Variants in TAFA1 observed in about 807,000 individuals in gnomAD.
TAFA1 encodes the protein TAFA chemokine like family member 1.
In TAFA1, 4 loss-of-function variants were observed where a neutral mutation model predicts 18.5. The ratio of observed to expected loss-of-function variants is 0.22; its 90% confidence interval spans 0.11 to 0.49. The LOEUF is 0.49. Among genes scored for constraint, TAFA1 ranks in the 20% least tolerant of loss-of-function variants. The pLI, the probability that TAFA1 is intolerant of heterozygous loss-of-function variation, is 0.98. For synonymous variants in TAFA1, 56 were observed against 55.2 expected, an observed-to-expected ratio of 1.01 and a Z score of -0.06; for missense variants, 147 against 169.0, an observed-to-expected ratio of 0.87 and a Z score of 0.72.
At chr3:68,321,708 C>T (rs2068699639) in intron 2 of TAFA1, among the ~76,000 whole-genome samples, 2 of 152,142 alleles carry the variant, frequency 1.3e-5, no homozygotes, top group South Asian at 2.1e-4. Context: ...TACCTTCATC[C>T]ATCCCCATCA....
At chr3:67,999,771 G>T (rs1004058024), upstream of TAFA1, among the ~76,000 whole-genome samples, 1 of 151,468 alleles carries the variant, frequency 6.6e-6, no homozygotes, top group Admixed American at 6.6e-5. Context: ...CACAGGACAA[G>T]GTGGTCACCC....
chr3:68,264,536 T>C (rs540602132), intron 2 of TAFA1, among the ~76,000 whole-genome samples: 1 of 152,266 alleles, frequency 6.6e-6, no homozygotes, highest in African/African-American at 2.4e-5. Flanking sequence ...AGAGGATGGG[T>C]AGGTAGTGAC....
At chr3:68,047,820 G>T (rs1388053323) in intron 2 of TAFA1, among the ~76,000 whole-genome samples, 1 of 152,050 alleles carries the variant, frequency 6.6e-6, no homozygotes, top group African/African-American at 2.4e-5. Flanking sequence ...CAACCTAATA[G>T]GTATGATAGC....
chr3:68,206,710 C>T (rs1049371943), intron 2 of TAFA1, among the ~76,000 whole-genome samples: 2 of 151,850 alleles, frequency 1.3e-5, no homozygotes, highest in East Asian at 1.9e-4. Context: ...AGAGAGCGAC[C>T]CCTAGCTTCT....
intron 2 of TAFA1, among the ~76,000 whole-genome samples, chr3:68,028,469 C>G: frequency 6.6e-6 from 1 of 152,078 alleles, no homozygotes; most frequent in East Asian, 1.9e-4. Context: ...ACTGCTGTAA[C>G]AAGTTACCAC....
chr3:68,378,645 A>G (rs1272321198), intron 2 of TAFA1, among the ~76,000 whole-genome samples: 1 of 152,112 alleles, frequency 6.6e-6, no homozygotes, highest in Admixed American at 6.6e-5. Context: ...GGGAGGGTCT[A>G]AGAGCAGGAT....
At chr3:68,067,508 T>C (rs2064695268) in intron 2 of TAFA1, among the ~76,000 whole-genome samples, 2 of 152,154 alleles carry the variant, frequency 1.3e-5, no homozygotes, top group Admixed American at 1.3e-4. Flanking sequence ...AGTACATGGC[T>C]TGAGAGGTAA....
At chr3:68,349,396 A>G (rs945382096) in intron 2 of TAFA1, among the ~76,000 whole-genome samples, 4 of 152,068 alleles carry the variant, frequency 2.6e-5, no homozygotes, top group African/African-American at 9.7e-5. Context: ...TACGGAAATA[A>G]AGATCCCTTA....
intron 3 of TAFA1, among the ~76,000 whole-genome samples, chr3:68,437,491 C>T (rs187337515): frequency 1.3e-5 from 2 of 152,228 alleles, no homozygotes; most frequent in Admixed American, 1.3e-4. Context: ...GGCTGCATCT[C>T]GTAAGGGCCT....
chr3:68,351,971 G>A (rs1409481113), intron 2 of TAFA1, among the ~76,000 whole-genome samples: 3 of 151,348 alleles, frequency 2.0e-5, no homozygotes, highest in African/African-American at 7.3e-5. Context: ...CTATTTGGGG[G>A]CAGCAAGTTC....
intron 2 of TAFA1, among the ~76,000 whole-genome samples, chr3:68,346,751 A>AT (rs771047340): frequency 2.0e-5 from 3 of 152,160 alleles, no homozygotes; most frequent in Non-Finnish European, 2.9e-5. Context: ...ACAAGTTTAA[A>AT]TTTTCTGTCT....
chr3:68,407,393 G>A (rs2070632316), intron 2 of TAFA1, among the ~76,000 whole-genome samples: 1 of 152,090 alleles, frequency 6.6e-6, no homozygotes, highest in Non-Finnish European at 1.5e-5. Context: ...CAGCATGAAT[G>A]CCCTTCAGCT....
chr3:68,144,341 C>A (rs1056051874), intron 2 of TAFA1, among the ~76,000 whole-genome samples: 5 of 152,086 alleles, frequency 3.3e-5, no homozygotes, highest in African/African-American at 1.2e-4. Context: ...GGGAAGGTGG[C>A]CGTACTGAAG....
At chr3:68,309,406 C>A (rs966476373) in intron 2 of TAFA1, among the ~76,000 whole-genome samples, 1 of 152,068 alleles carries the variant, frequency 6.6e-6, no homozygotes, top group Non-Finnish European at 1.5e-5. Context: ...AGGTATTATA[C>A]CTCTTACCTC....
chr3:68,529,174 G>C (rs1302532664), intron 3 of TAFA1, among the ~76,000 whole-genome samples: 3 of 151,828 alleles, frequency 2.0e-5, no homozygotes, highest in African/African-American at 4.8e-5. Context: ...AGTGTGATTG[G>C]AGTGAAAGCT....
intron 2 of TAFA1, among the ~76,000 whole-genome samples, chr3:68,337,486 A>G (rs1407365740): frequency 1.3e-5 from 2 of 152,168 alleles, no homozygotes; most frequent in Admixed American, 6.5e-5. Context: ...TCCAAACGAT[A>G]TCAATTGGTG....
intron 2 of TAFA1, among the ~76,000 whole-genome samples, chr3:68,165,913 A>T (rs1288448181): frequency 7.2e-5 from 11 of 152,264 alleles, no homozygotes; most frequent in Admixed American, 7.2e-4. Context: ...CAAATTAATT[A>T]GTACAATATT....
chr3:68,037,900 C>T (rs899217875), intron 2 of TAFA1, among the ~76,000 whole-genome samples: 1 of 152,002 alleles, frequency 6.6e-6, no homozygotes, highest in African/African-American at 2.4e-5. Context: ...GAATGCAATC[C>T]AAAGAAAATT....
chr3:68,208,717 C>A (rs565872926), intron 2 of TAFA1, among the ~76,000 whole-genome samples: 44 of 152,084 alleles, frequency 2.9e-4, no homozygotes, highest in Non-Finnish European at 5.2e-4. Context: ...AAGGACCAAG[C>A]CAGGCCTTCA....
Sources: allele counts gnomAD v4.1 joint callset (sites outside exome capture counted in the v4.1 genomes callset), GRCh38; gene constraint gnomAD v4.1.1; transcripts MANE v1.5; gene names NCBI Gene and HGNC (gene_info 2026-07-23, HGNC 2026-07-21).